WWOX: variants seen among roughly 807,000 people sequenced by gnomAD.
WWOX encodes the protein WW domain containing oxidoreductase, also known as WW domain-containing oxidoreductase.
In WWOX, 69 loss-of-function variants were observed where a neutral mutation model predicts 46.2. That is an observed-to-expected ratio of 1.49 (90% CI 1.23 to 1.82). The LOEUF is 1.82. WWOX is among the 40% of genes most tolerant of loss of function. WWOX has a pLI of 0.00. For synonymous variants in WWOX, 359 were observed against 202.6 expected (o/e 1.77, Z -6.56); for missense variants, 919 against 542.6 (o/e 1.69, Z -6.89).
intron 8 of WWOX, among the ~76,000 whole-genome samples, chr16:78,538,481 A>T (rs1016946810): frequency 8.5e-5 from 13 of 152,198 alleles, no homozygotes; most frequent in African/African-American, 2.9e-4. Context: ...GAATGACTCC[A>T]TGGATGACCT....
At chr16:78,976,305 C>A (rs774619654) in intron 8 of WWOX, among the ~76,000 whole-genome samples, 1 of 152,182 alleles carries the variant, frequency 6.6e-6, no homozygotes, top group Non-Finnish European at 1.5e-5. Flanking sequence ...TTATTTCTTA[C>A]GTAGTTTTGA....
chr16:78,850,292 CT>C (rs970562337), intron 8 of WWOX, among the ~76,000 whole-genome samples: 1 of 152,152 alleles, frequency 6.6e-6, no homozygotes, highest in Non-Finnish European at 1.5e-5. Flanking sequence ...AGATTTTCCC[CT>C]ATGAATGAGT....
At chr16:78,787,325 A>C (rs986758727) in intron 8 of WWOX, among the ~76,000 whole-genome samples, 1 of 151,906 alleles carries the variant, frequency 6.6e-6, no homozygotes, top group Non-Finnish European at 1.5e-5. Context: ...GTCATTCCCC[A>C]TTTCCTCCTT....
At position 78,640,088 on chromosome 16, in the gene WWOX, T is replaced by C. The variant is rs146516575; in HGVS notation, c.1056+207336T>C. On this transcript the variant is annotated intron_variant, in intron 8 of 8. Coordinates refer to ENST00000566780, the MANE Select transcript of WWOX (RefSeq NM_016373.4). ...TTTTCTTTAAATGAGGGGTTCAAAA[T>C]AGAAACACAAAGCATTGAGTATTGA... Among the ~76,000 whole-genome samples the C allele has an allele frequency of 4.8e-3, 726 of 152,144 alleles. 13 individuals are homozygous for C. Among genetic ancestry groups the C allele is most frequent in the East Asian group, 0.036 (188 of 5,164 alleles).
intron 8 of WWOX, among the ~76,000 whole-genome samples, chr16:78,977,930 G>A (rs531635702): frequency 1.3e-5 from 2 of 152,290 alleles, no homozygotes; most frequent in South Asian, 2.1e-4. Flanking sequence ...CCATTTCAAA[G>A]TAGACAGTTC....
chr16:78,849,710 C>T (rs1026943492), intron 8 of WWOX, among the ~76,000 whole-genome samples: 2 of 151,924 alleles, frequency 1.3e-5, no homozygotes, highest in East Asian at 1.9e-4. Context: ...GATTTCTAAT[C>T]TTGATGCAGT....
intron 8 of WWOX, among the ~76,000 whole-genome samples, chr16:79,193,242 C>G (rs944693230): frequency 3.3e-5 from 5 of 152,210 alleles, no homozygotes; most frequent in African/African-American, 7.2e-5. Context: ...ATACAAGTTG[C>G]TTACCCTTGG....
intron 5 of WWOX, among the ~76,000 whole-genome samples, chr16:78,374,041 C>T (rs1284941833): frequency 6.6e-6 from 1 of 152,236 alleles, no homozygotes; most frequent in Admixed American, 6.5e-5. Flanking sequence ...CCCGCCTTGG[C>T]CTCCCACAGT....
At chr16:78,849,786 G>C (rs1015351358) in intron 8 of WWOX, among the ~76,000 whole-genome samples, 1 of 151,198 alleles carries the variant, frequency 6.6e-6, no homozygotes. Context: ...TAGAGTGATA[G>C]GCTGGGCTGG....
At chr16:78,337,222 C>G (rs1022960924) in intron 5 of WWOX, among the ~76,000 whole-genome samples, 5 of 152,100 alleles carry the variant, frequency 3.3e-5, no homozygotes, top group African/African-American at 1.2e-4. Context: ...AATGTGTTGA[C>G]CAAGAGTGGG....
At position 78,971,448 on chromosome 16, in the gene WWOX, CAAAAAA is replaced by C. The variant is rs71140852; in HGVS notation, c.1057-240139_1057-240134del. 6.3e-4 allele frequency among the ~76,000 whole-genome samples: 71 copies of C among 111,884 alleles called. 2 individuals are homozygous for C. The highest frequency in any genetic ancestry group is 1.6e-3 in the African/African-American group (46 of 29,308). The allele number at this position is 111,884 out of a possible 152,430, so 73.4% of individuals were successfully genotyped here. Reference sequence around the variant, plus strand: ...CCAGTCTGGGTGACAGACTCTGTGTCAAAAAAAAAAAAAAAAAAAAAAAAAAGAGAG... The same window carrying C: ...CCAGTCTGGGTGACAGACTCTGTGTCAAAAAAAAAAAAAAAAAAAAGAGAG... On this transcript the variant is annotated intron_variant, in intron 8 of 8. Coordinates refer to ENST00000566780, the MANE Select transcript of WWOX (RefSeq NM_016373.4).
chr16:79,028,408 G>A (rs942775063), intron 8 of WWOX, among the ~76,000 whole-genome samples: 14 of 151,806 alleles, frequency 9.2e-5, no homozygotes, highest in Admixed American at 7.9e-4. Flanking sequence ...ACAGAAACAT[G>A]AGGCAGTGTA....
At chr16:79,088,294 T>C (rs1273575015) in intron 8 of WWOX, among the ~76,000 whole-genome samples, 1 of 152,190 alleles carries the variant, frequency 6.6e-6, no homozygotes, top group Non-Finnish European at 1.5e-5. Context: ...ACGCAGAGCA[T>C]TGCAGCCCGT....
At chr16:78,170,919 C>A (rs778306118) in intron 5 of WWOX, among the ~76,000 whole-genome samples, 2 of 152,214 alleles carry the variant, frequency 1.3e-5, no homozygotes, top group East Asian at 1.9e-4. Flanking sequence ...CAGTTGATTG[C>A]AACCACACGG....
intron 8 of WWOX, among the ~76,000 whole-genome samples, chr16:78,916,277 G>C (rs2045249931): frequency 6.6e-6 from 1 of 152,116 alleles, no homozygotes; most frequent in African/African-American, 2.4e-5. Context: ...TACTGCAGGG[G>C]GTATGATGGA....
At chr16:78,673,497 A>G (rs1478751470) in intron 8 of WWOX, among the ~76,000 whole-genome samples, 1 of 152,168 alleles carries the variant, frequency 6.6e-6, no homozygotes, top group East Asian at 1.9e-4. Flanking sequence ...CAGGAAACTC[A>G]CAGACTAGTT....
intron 5 of WWOX, among the ~76,000 whole-genome samples, chr16:78,188,124 C>T (rs1250401191): frequency 6.6e-6 from 1 of 152,098 alleles, no homozygotes; most frequent in East Asian, 1.9e-4. Context: ...TAGTACTTGT[C>T]AATATGTATT....
intron 8 of WWOX, among the ~76,000 whole-genome samples, chr16:79,027,568 C>G: frequency 6.6e-6 from 1 of 151,812 alleles, no homozygotes; most frequent in East Asian, 1.9e-4. Flanking sequence ...TAACATCAGC[C>G]TGTCATTTGG....
chr16:78,708,818 T>TA (rs2048378456), intron 8 of WWOX, among the ~76,000 whole-genome samples: 2 of 152,132 alleles, frequency 1.3e-5, no homozygotes, highest in South Asian at 2.1e-4. Context: ...GTGTTGGCCA[T>TA]AAAAAAATTA....
Sources: gnomAD v4.1 joint callset for allele counts (sites outside exome capture counted in the v4.1 genomes callset) on GRCh38, gnomAD v4.1.1 for gene constraint, MANE v1.5 for transcripts, NCBI Gene and HGNC (gene_info 2026-07-23, HGNC 2026-07-21) for gene names.